The following ABHD2 variants were observed in gnomAD, a reference collection of about 807,000 sequenced individuals.
ABHD2 encodes the protein abhydrolase domain containing 2, acylglycerol lipase.
ABHD2 carries 20 observed loss-of-function variants against 48.1 expected under a neutral mutation model. The ratio of observed to expected loss-of-function variants is 0.42; its 90% CI spans 0.29 to 0.60. The LOEUF is 0.60. Among genes scored for constraint, ABHD2 ranks in the 20% least tolerant of loss-of-function variants. The pLI, the probability that ABHD2 is intolerant of heterozygous loss-of-function variation, is 0.24. For missense variants in ABHD2, 405 were observed against 550.9 expected (o/e 0.74, Z 2.65); for synonymous variants, 209 against 214.2 (o/e 0.98, Z 0.21).
intron 3 of ABHD2, among the ~76,000 whole-genome samples, chr15:89,138,258 G>T (rs770899336): frequency 6.6e-6 from 1 of 152,258 alleles, no homozygotes; most frequent in Non-Finnish European, 1.5e-5. Context: ...ACACAGGAAG[G>T]CCTGGAACTC....
At chr15:89,193,360 G>A (rs766003981) in intron 10 of ABHD2, 41 bp downstream of exon 10, 1 of 1,535,722 alleles carries the variant, frequency 6.5e-7, no homozygotes, top group Admixed American at 1.7e-5. Context: ...AGCTCAGCAA[G>A]TTGCCACAGT....
intron 3 of ABHD2, among the ~76,000 whole-genome samples, chr15:89,147,350 CTTTT>C (rs35188439): frequency 4.0e-5 from 4 of 100,350 alleles, no homozygotes; most frequent in Non-Finnish European, 5.6e-5. Flanking sequence ...TTGCATAGCT[CTTTT>C]TTTTTTTTTT....
the ABHD2 span, among the ~76,000 whole-genome samples, chr15:89,068,457 G>A: frequency 0.01 from 1,579 of 152,190 alleles, 32 homozygotes; most frequent in African/African-American, 0.036. Context: ...AGAGTCATCC[G>A]GAGGCGTCTT....
intron 6 of ABHD2, among the ~76,000 whole-genome samples, chr15:89,183,572 C>T (rs770167123): frequency 2.6e-5 from 4 of 151,798 alleles, no homozygotes; most frequent in African/African-American, 4.8e-5. Context: ...CCAAAATAAA[C>T]AGTGGAATAC....
Position 89,091,834 on chromosome 15 carries a change from G to A in ABHD2, c.-107+3271G>A, listed in dbSNP as rs1335964896. ...CCAGTTTCAGAGTATAGATGATGTG[G>A]GGCATGAGTTGCTTTAGCCTTTCTG... is the stretch of plus-strand genomic sequence containing the variant. On this transcript the variant is annotated intron_variant, in intron 1 of 10. Coordinates refer to ENST00000352732, the MANE Select transcript of ABHD2 (RefSeq NM_152924.5). The surrounding 1 kb of genome is among the most constrained non-coding windows in gnomAD (Gnocchi z 5.5). 2.0e-5 allele frequency among the ~76,000 whole-genome samples: 3 copies of A among 152,136 alleles called. No homozygotes were observed. Among genetic ancestry groups the A allele is most frequent in the African/African-American group, 4.8e-5 (2 of 41,440 alleles).
At chr15:89,054,694 G>GAA in the ABHD2 span, among the ~76,000 whole-genome samples, 7 of 144,276 alleles carry the variant, frequency 4.9e-5, no homozygotes, top group Admixed American at 3.5e-4. Context: ...AAAGAAAAAA[G>GAA]AAAAAAAAAA....
the ABHD2 span, among the ~76,000 whole-genome samples, chr15:89,042,890 G>A: frequency 4.6e-5 from 7 of 151,726 alleles, no homozygotes; most frequent in Non-Finnish European, 7.4e-5. Flanking sequence ...CTGGCCTCAA[G>A]CTCCTGGCCT....
intron 1 of ABHD2, chr15:89,093,838 T>G (rs2049567243): frequency 6.6e-6 from 1 of 152,256 alleles, no homozygotes; most frequent in Non-Finnish European, 1.5e-5. Flanking sequence ...TATTTGAACT[T>G]TCTATGGCTA....
chr15:89,163,463 C>T (rs146313849), intron 5 of ABHD2, among the ~76,000 whole-genome samples: 88 of 152,348 alleles, frequency 5.8e-4, no homozygotes, highest in African/African-American at 2.0e-3. Flanking sequence ...CGTTACTTCA[C>T]TTGATCCTTA....
chr15:89,041,170 C>T, the ABHD2 span: 1 of 152,264 alleles, frequency 6.6e-6, no homozygotes, highest in Admixed American at 6.5e-5. Context: ...CATCAACTTC[C>T]AGTGACGTGA....
intron 6 of ABHD2, among the ~76,000 whole-genome samples, chr15:89,183,630 G>A (rs138873323): frequency 0.013 from 1,966 of 151,734 alleles, 48 homozygotes; most frequent in African/African-American, 0.044. Flanking sequence ...CTGGGTCCCT[G>A]TGAATCCCTA....
rs1247385627 is a variant in ABHD2, at chr15:89,182,893, G to A, written c.723-2531G>A. ...TGGTTTCGTGCCCATTTTGTGATTT[G>A]CATCTAAAATTGAACCCCAGTGTAG... On this transcript the variant is annotated intron_variant, in intron 6 of 10. Coordinates refer to ENST00000352732, the MANE Select transcript of ABHD2 (RefSeq NM_152924.5). This position sits in a 1 kb window ranked among gnomAD's most constrained non-coding sequence, Gnocchi z 4.8. 6.6e-6 allele frequency among the ~76,000 whole-genome samples: 1 copy of A among 152,116 alleles called. No homozygotes were observed. Among genetic ancestry groups the A allele is most frequent in the Non-Finnish European group, 1.5e-5 (1 of 68,008 alleles).
intron 1 of ABHD2, chr15:89,090,418 G>A (rs1408284565): frequency 6.6e-6 from 1 of 152,120 alleles, no homozygotes; most frequent in African/African-American, 2.4e-5. Flanking sequence ...TTGCCTTTTT[G>A]TACATTTTTC....
chr15:89,052,461 C>T, the ABHD2 span, among the ~76,000 whole-genome samples: 2 of 151,846 alleles, frequency 1.3e-5, no homozygotes, highest in African/African-American at 2.4e-5. Flanking sequence ...ATGTAAATGC[C>T]TCCTAATCCC....
In ABHD2 at chr15:89,116,482, C is replaced by CA; in HGVS notation, c.156dup (p.Arg53ThrfsTer53). On this transcript the variant is annotated frameshift_variant, in exon 3 of 11. Transcript: ENST00000352732. LOFTEE classifies it high-confidence loss of function. The surrounding 1 kb of genome is among the most constrained non-coding windows in gnomAD (Gnocchi z 4.6). ...CTCTACTTCCAGGACTCGGGGCTCT[C>CA]ACGCTTTCTGCTCAAGTCCTGTCCT... The CA allele has an allele frequency of 6.2e-7, 1 of 1,614,216 alleles. No homozygotes were observed. The highest frequency in any genetic ancestry group is 8.5e-7 in the Non-Finnish European group (1 of 1,180,012).
intron 5 of ABHD2, among the ~76,000 whole-genome samples, chr15:89,169,593 G>A (rs1019670082): frequency 6.6e-6 from 1 of 152,134 alleles, no homozygotes; most frequent in African/African-American, 2.4e-5. Flanking sequence ...CTTAGGAAGC[G>A]GTGGAGAAGT....
At position 89,191,273 on chromosome 15, in the gene ABHD2, T is replaced by A. The variant is rs1388895530; in HGVS notation, c.996+124T>A. The stretch of plus-strand genomic sequence containing the variant: ...CTGGAATCTGGCTCCAACCGCTCTT[T>A]TAGCTTGGATTTGTTTATTGAACCA... On this transcript the variant is annotated intron_variant, in intron 9 of 10. Transcript: ENST00000352732. 5.6e-6 allele frequency: 5 copies of A among 888,878 alleles called. No individual in the cohort carries two copies. In the East Asian group the frequency reaches 1.3e-4, roughly 23 times the overall value. The allele number at this position is 888,878 out of a possible 1,614,324, so 55.1% of individuals were successfully genotyped here. A position where few individuals can be genotyped will look rare whatever the true frequency, so the allele number is the denominator to read the frequency against.
chr15:89,178,463 A>C (rs2051053153), intron 6 of ABHD2, among the ~76,000 whole-genome samples: 2 of 152,176 alleles, frequency 1.3e-5, no homozygotes, highest in African/African-American at 4.8e-5. Context: ...GGGCCACACG[A>C]GAGTTCATGC....
intron 1 of ABHD2, among the ~76,000 whole-genome samples, chr15:89,110,305 G>A (rs1033714107): frequency 1.2e-4 from 18 of 152,022 alleles, no homozygotes; most frequent in African/African-American, 3.4e-4. Context: ...CAAGTGATCC[G>A]CCCGCCTCGG....
Sources: allele counts gnomAD v4.1 joint callset (sites outside exome capture counted in the v4.1 genomes callset), GRCh38; gene constraint gnomAD v4.1.1; non-coding constraint Gnocchi (gnomAD v3.1); transcripts MANE v1.5; gene names NCBI Gene and HGNC (gene_info 2026-07-23, HGNC 2026-07-21).